CRTC1: variants seen among roughly 807,000 people sequenced by gnomAD.
The protein encoded by CRTC1 is CREB regulated transcription coactivator 1.
Under a neutral mutation model 66.1 loss-of-function variants are expected in CRTC1, and 18 were observed. That is an observed-to-expected ratio of 0.27 (90% CI 0.19 to 0.40). CRTC1 has a LOEUF of 0.40. Ranked by LOEUF, CRTC1 falls within the 10% of genes least tolerant of loss-of-function variation. CRTC1 has a pLI of 1.00. For synonymous variants in CRTC1, 416 were observed against 398.8 expected, an observed-to-expected ratio of 1.04 and a Z score of -0.51; for missense variants, 669 against 887.9, an observed-to-expected ratio of 0.75 and a Z score of 3.13.
At chr19:18,759,956 G>GCCCGCCCCCTGTCCCCGCCA (rs2054576749) in intron 7 of CRTC1, 52 bp from the exon 8 acceptor site, 11 of 1,221,904 alleles carry the variant, frequency 9.0e-6, no homozygotes, top group South Asian at 1.4e-5. Context: ...TGTCCCCGCC[G>GCCCGCCCCCTGTCCCCGCCA]CCAGCCCCGC....
intron 4 of CRTC1, among the ~76,000 whole-genome samples, chr19:18,748,178 C>T (rs1357826786): frequency 1.3e-5 from 2 of 152,062 alleles, no homozygotes; most frequent in Non-Finnish European, 2.9e-5. Context: ...CAGAACTATA[C>T]ACTCAAAAAC....
chr19:18,720,757 C>G (rs2053608694), intron 1 of CRTC1, among the ~76,000 whole-genome samples: 1 of 152,092 alleles, frequency 6.6e-6, no homozygotes. Context: ...CCACCTTGAC[C>G]TCCCAAAGTA....
At position 18,777,283 on chromosome 19, in the gene CRTC1, C is replaced by T. The variant is rs1479378151; in HGVS notation, c.1806C>T (p.Ile602=). 1.1e-5 allele frequency: 18 copies of T among 1,612,334 alleles called. No individual in the cohort carries two copies. Among genetic ancestry groups the T allele is most frequent in the Non-Finnish European group, 1.4e-5 (16 of 1,179,948 alleles). The change falls in exon 14 of 14, where the codon ATC becomes ATT. Residue 602 remains isoleucine, a synonymous_variant. Coordinates refer to ENST00000321949, the MANE Select transcript of CRTC1 (RefSeq NM_015321.3). The surrounding 1 kb of genome is among the most constrained non-coding windows in gnomAD (Gnocchi z 5.5). ...AGTTTCCCCTGGACGAACTCAAGAT[C>T]GACCCCCTGACCCTCGACGGACTGC... is the stretch of plus-strand genomic sequence containing the variant. The part of the protein sequence containing the change: ...DSQFPLDELK[I]DPLTLDGLHM...
In CRTC1 at chr19:18,683,687, A is replaced by T. The variant is rs1568470869; in HGVS notation, c.-16A>T. On this transcript the variant is annotated 5_prime_UTR_variant, in exon 1 of 14. Coordinates refer to ENST00000321949, the MANE Select transcript of CRTC1 (RefSeq NM_015321.3). ...GTGGAGGAGGAGGAGGAGGAGGAGG[A>T]GGTGGCGGCGAGAAGATGGCGACTT... 142 of 1,359,550 alleles carry T rather than the reference A, an allele frequency of 1.0e-4. No individual in the cohort carries two copies. Among genetic ancestry groups the T allele is most frequent in the East Asian group, 3.6e-4 (10 of 27,732 alleles). The allele number at this position is 1,359,550 out of a possible 1,614,324, so 84.2% of individuals were successfully genotyped here.
Position 18,703,365 on chromosome 19 carries a change from A to G in CRTC1, c.126+19537A>G, listed in dbSNP as rs559445929. Among the ~76,000 whole-genome samples, 15 of 152,020 alleles carry G rather than the reference A, an allele frequency of 9.9e-5. 1 individual carries two copies. In the East Asian group the frequency reaches 2.9e-3, roughly 29 times the overall value. ...CACAATTCTATTAACTAGACTCCAG[A>G]CTGTGTTTGGATTTCCCCGGATTGC... On this transcript the variant is annotated intron_variant, in intron 1 of 13. Transcript: ENST00000321949.
In CRTC1 at chr19:18,759,897, TG is replaced by T. The variant is rs562812154; in HGVS notation, c.666-110del. ...AGTGGTTTCCCAAGCACACGGCACC[TG>T]ATGGGGGGTGGCCTTTTGCACCCGC... is the stretch of plus-strand genomic sequence containing the variant. On this transcript the variant is annotated intron_variant, in intron 7 of 13. Transcript: ENST00000321949. 9.2e-6 allele frequency: 8 copies of T among 868,162 alleles called. No homozygotes were observed. In the South Asian group the frequency reaches 1.3e-4, roughly 15 times the overall value. 53.8% of individuals were successfully genotyped at this position (868,162 alleles called of 1,614,324 possible). A position where few individuals can be genotyped will look rare whatever the true frequency, so the allele number is the denominator to read the frequency against.
intron 2 of CRTC1, 48 bp downstream of exon 2, chr19:18,743,074 C>A: frequency 7.1e-7 from 1 of 1,417,438 alleles, no homozygotes; most frequent in Non-Finnish European, 1.0e-6. Flanking sequence ...GAGCTTCCCC[C>A]AGCCTCCCAC....
chr19:18,730,679 A>G (rs1314934196), intron 1 of CRTC1, among the ~76,000 whole-genome samples: 1 of 151,448 alleles, frequency 6.6e-6, no homozygotes, highest in Non-Finnish European at 1.5e-5. Flanking sequence ...CTCATCCTTC[A>G]TCCCGGACGG....
In CRTC1 at chr19:18,782,323, C is replaced by T. The variant is rs1230620475; in HGVS notation, c.*4941C>T. 2.9e-5 allele frequency: 6 copies of T among 206,786 alleles called. No homozygotes were observed. Among genetic ancestry groups the T allele is most frequent in the Non-Finnish European group, 5.0e-5 (5 of 100,694 alleles). 12.8% of individuals were successfully genotyped at this position (206,786 alleles called of 1,614,324 possible). Reference sequence around the variant, plus strand: ...GTAATGAAACGTAATAAAAATCCAACGTTTTCGTCACTGGCTCTTCCTCTT... The same window carrying T: ...GTAATGAAACGTAATAAAAATCCAATGTTTTCGTCACTGGCTCTTCCTCTT... On this transcript the variant is annotated 3_prime_UTR_variant, in exon 14 of 14. Coordinates refer to ENST00000321949, the MANE Select transcript of CRTC1 (RefSeq NM_015321.3).
rs1158115585 is a variant in CRTC1, at chr19:18,771,924, G to A, written c.1425+378G>A. On this transcript the variant is annotated intron_variant, in intron 11 of 13. Coordinates refer to ENST00000321949, the MANE Select transcript of CRTC1 (RefSeq NM_015321.3). This position sits in a 1 kb window ranked among gnomAD's most constrained non-coding sequence, Gnocchi z 4.6. Reference sequence around the variant, plus strand: ...CTTTAGGGACCCCCCCGACTTGGGGGTGCAGCTGAGGTGGCTGGCCCGCCC... The same window carrying A: ...CTTTAGGGACCCCCCCGACTTGGGGATGCAGCTGAGGTGGCTGGCCCGCCC... Among the ~76,000 whole-genome samples the A allele has an allele frequency of 2.0e-5, 3 of 152,194 alleles. No homozygotes were observed. Among genetic ancestry groups the A allele is most frequent in the African/African-American group, 2.4e-5 (1 of 41,438 alleles).
intron 1 of CRTC1, among the ~76,000 whole-genome samples, chr19:18,704,454 G>T (rs1020150484): frequency 6.6e-6 from 1 of 152,166 alleles, no homozygotes; most frequent in African/African-American, 2.4e-5. Context: ...GCTCTTGTCT[G>T]TAAGCCCAGC....
intron 1 of CRTC1, among the ~76,000 whole-genome samples, chr19:18,697,074 G>A (rs2053008008): frequency 6.6e-6 from 1 of 152,160 alleles, no homozygotes; most frequent in South Asian, 2.1e-4. Context: ...TCTTCTGGGT[G>A]TGGCTGTGGT....
At chr19:18,725,056 G>A (rs1348766013) in intron 1 of CRTC1, among the ~76,000 whole-genome samples, 1 of 151,978 alleles carries the variant, frequency 6.6e-6, no homozygotes, top group Non-Finnish European at 1.5e-5. Flanking sequence ...GGAGCTGGGG[G>A]GTGTCCCCTT....
chr19:18,726,607 C>T (rs1217357023), intron 1 of CRTC1, among the ~76,000 whole-genome samples: 3 of 152,032 alleles, frequency 2.0e-5, no homozygotes, highest in Non-Finnish European at 4.4e-5. Context: ...TAGGGTGGGC[C>T]CTAAATCCAG....
chr19:18,730,949 C>A (rs1340153396), intron 1 of CRTC1, among the ~76,000 whole-genome samples: 1 of 144,442 alleles, frequency 6.9e-6, no homozygotes, highest in East Asian at 2.1e-4. Flanking sequence ...GGCTGAGTAT[C>A]CTTCCCTCCC....
chr19:18,724,294 A>C (rs927599512), intron 1 of CRTC1, among the ~76,000 whole-genome samples: 1 of 151,884 alleles, frequency 6.6e-6, no homozygotes, highest in African/African-American at 2.4e-5. Flanking sequence ...TTTCATTTTC[A>C]TCTTAGAGGT....
At chr19:18,702,075 C>T (rs1013797380) in intron 1 of CRTC1, among the ~76,000 whole-genome samples, 1 of 151,870 alleles carries the variant, frequency 6.6e-6, no homozygotes, top group Non-Finnish European at 1.5e-5. Context: ...AGGCGTGTAC[C>T]ACCACACCCG....
chr19:18,693,487 T>G (rs1444237932), intron 1 of CRTC1, among the ~76,000 whole-genome samples: 3 of 150,082 alleles, frequency 2.0e-5, no homozygotes, highest in African/African-American at 4.9e-5. Flanking sequence ...TTGTTTTTGT[T>G]TTTTTTTTTT....
Position 18,726,099 on chromosome 19 carries a change from G to T in CRTC1, c.127-16811G>T, listed in dbSNP as rs556458095. ...CCAGCTCCTTGTTCTCCCAGCTGGT[G>T]ATGCAGGAACATCTTTGCGCATAAA... On this transcript the variant is annotated intron_variant, in intron 1 of 13. Coordinates refer to ENST00000321949, the MANE Select transcript of CRTC1 (RefSeq NM_015321.3). Among the ~76,000 whole-genome samples the T allele has an allele frequency of 2.0e-5, 3 of 152,268 alleles. No homozygotes were observed. The South Asian group carries it at 6.2e-4, about 31-fold the overall frequency.
Sources: allele counts gnomAD v4.1 joint callset (sites outside exome capture counted in the v4.1 genomes callset), GRCh38; gene constraint gnomAD v4.1.1; non-coding constraint Gnocchi (gnomAD v3.1); transcripts MANE v1.5; gene names NCBI Gene and HGNC (gene_info 2026-07-23, HGNC 2026-07-21).